Variants in DTD1 observed in about 807,000 individuals in gnomAD.
The protein encoded by DTD1 is D-aminoacyl-tRNA deacylase 1, also known as D-tyrosyl-tRNA deacylase 1 homolog.
Under a neutral mutation model 25.6 loss-of-function variants are expected in DTD1, and 13 were observed. That is an observed-to-expected ratio of 0.51 (90% confidence interval 0.33 to 0.81). The LOEUF is 0.81. Among genes scored for constraint, DTD1 ranks in the 30% least tolerant of loss-of-function variants. The probability of loss-of-function intolerance (pLI) is 0.02; values close to 1 mark genes in which losing one functional copy is unlikely to be tolerated. For synonymous variants in DTD1, 110 were observed against 103.6 expected, an observed-to-expected ratio of 1.06 and a Z score of -0.37; for missense variants, 193 against 266.4, an observed-to-expected ratio of 0.72 and a Z score of 1.92.
chr20:18,656,479 G>A (rs1213644379), intron 4 of DTD1, among the ~76,000 whole-genome samples: 1 of 152,172 alleles, frequency 6.6e-6, no homozygotes, highest in Non-Finnish European at 1.5e-5. Flanking sequence ...TGGTGACAGA[G>A]GAACAGGGAT....
intron 3 of DTD1, among the ~76,000 whole-genome samples, chr20:18,607,252 TC>T (rs2060663690): frequency 1.3e-5 from 2 of 151,984 alleles, no homozygotes; most frequent in South Asian, 4.2e-4. Context: ...ACCTCTGCCT[TC>T]CGGGTTCAAA....
At chr20:18,704,672 G>A (rs1035139529) in intron 4 of DTD1, among the ~76,000 whole-genome samples, 2 of 152,144 alleles carry the variant, frequency 1.3e-5, no homozygotes, top group Non-Finnish European at 2.9e-5. Context: ...TAGGGGAGGA[G>A]GACATGCTAC....
chr20:18,756,864 A>G (rs1417356360), intron 5 of DTD1, among the ~76,000 whole-genome samples: 1 of 151,912 alleles, frequency 6.6e-6, no homozygotes, highest in Admixed American at 6.6e-5. Context: ...CTTGGGCAGT[A>G]TGGCCATTTT....
chr20:18,732,802 C>T (rs1372504733), intron 4 of DTD1, among the ~76,000 whole-genome samples: 2 of 152,236 alleles, frequency 1.3e-5, no homozygotes, highest in African/African-American at 4.8e-5. Context: ...TATACTCAAA[C>T]TTACTTGATC....
chr20:18,620,118 G>C (rs1019320533), intron 3 of DTD1: 1 of 152,112 alleles, frequency 6.6e-6, no homozygotes, highest in African/African-American at 2.4e-5. Flanking sequence ...TACCAGGTAA[G>C]GTGAATTTCT....
At chr20:18,708,234 A>ATATAT in intron 4 of DTD1, among the ~76,000 whole-genome samples, 1 of 3,130 alleles carries the variant, frequency 3.2e-4, no homozygotes, top group African/African-American at 5.9e-4. Flanking sequence ...TATATATTTT[A>ATATAT]TATATATATA....
At chr20:18,681,276 T>A (rs2060995739) in intron 4 of DTD1, among the ~76,000 whole-genome samples, 1 of 152,216 alleles carries the variant, frequency 6.6e-6, no homozygotes, top group South Asian at 2.1e-4. Context: ...TTTGGGACAC[T>A]TTATAAGCAA....
chr20:18,759,906 C>G (rs1468866468), intron 5 of DTD1, among the ~76,000 whole-genome samples: 2 of 152,124 alleles, frequency 1.3e-5, no homozygotes, highest in Non-Finnish European at 2.9e-5. Context: ...TCACATAGTC[C>G]CATATTTCTT....
intron 4 of DTD1, among the ~76,000 whole-genome samples, chr20:18,635,887 C>A (rs1011697413): frequency 6.6e-6 from 1 of 152,074 alleles, no homozygotes; most frequent in African/African-American, 2.4e-5. Flanking sequence ...AAGGAAATTG[C>A]AAAAATTGAA....
At chr20:18,715,393 T>C (rs2061175932) in intron 4 of DTD1, among the ~76,000 whole-genome samples, 1 of 152,128 alleles carries the variant, frequency 6.6e-6, no homozygotes, top group African/African-American at 2.4e-5. Context: ...ATCTTTGGAT[T>C]GTGGCCCTTT....
chr20:18,660,373 G>A (rs761097069), intron 4 of DTD1, among the ~76,000 whole-genome samples: 3 of 151,986 alleles, frequency 2.0e-5, no homozygotes, highest in Non-Finnish European at 4.4e-5. Flanking sequence ...GTGCACACAA[G>A]TACGCTTGGC....
intron 4 of DTD1, chr20:18,631,006 G>C: frequency 1.0e-6 from 1 of 957,694 alleles, no homozygotes; most frequent in Non-Finnish European, 1.2e-6. Flanking sequence ...CTTGGTTCAG[G>C]TGAAGTCTAC....
At chr20:18,727,906 A>G (rs2061228083) in intron 4 of DTD1, among the ~76,000 whole-genome samples, 2 of 152,166 alleles carry the variant, frequency 1.3e-5, no homozygotes, top group Non-Finnish European at 2.9e-5. Context: ...GTGGATGGGC[A>G]TTTGTGGGAG....
At chr20:18,598,719 T>G (rs977438293) in intron 3 of DTD1, among the ~76,000 whole-genome samples, 2 of 151,114 alleles carry the variant, frequency 1.3e-5, no homozygotes, top group Non-Finnish European at 2.9e-5. Context: ...CCATGTTAGC[T>G]AGGATGGTCT....
intron 4 of DTD1, among the ~76,000 whole-genome samples, chr20:18,667,798 T>C (rs1419420680): frequency 6.6e-6 from 1 of 152,042 alleles, no homozygotes; most frequent in African/African-American, 2.4e-5. Flanking sequence ...CCCTCTCCCT[T>C]CTCCCCACGC....
chr20:18,711,896 T>C (rs2061160102), intron 4 of DTD1, among the ~76,000 whole-genome samples: 1 of 138,126 alleles, frequency 7.2e-6, no homozygotes, highest in African/African-American at 2.7e-5. Context: ...ATATAAAAAT[T>C]AGCCAGGAGG....
chr20:18,612,741 C>T (rs536414690), intron 3 of DTD1, among the ~76,000 whole-genome samples: 135 of 152,182 alleles, frequency 8.9e-4, no homozygotes, highest in Middle Eastern at 6.8e-3. Flanking sequence ...TCACTGCAAC[C>T]TCCTCCTCCC....
intron 4 of DTD1, among the ~76,000 whole-genome samples, chr20:18,678,620 G>C (rs1056441094): frequency 2.6e-5 from 4 of 152,172 alleles, no homozygotes; most frequent in Admixed American, 2.6e-4. Flanking sequence ...ATGGACATTA[G>C]CTAAATGTTC....
chr20:18,721,617 C>T (rs1260947934), intron 4 of DTD1, among the ~76,000 whole-genome samples: 1 of 152,120 alleles, frequency 6.6e-6, no homozygotes, highest in South Asian at 2.1e-4. Context: ...TTTAGAAGAA[C>T]ATATCTGATT....
Sources: gnomAD v4.1 joint callset for allele counts (sites outside exome capture counted in the v4.1 genomes callset) on GRCh38, gnomAD v4.1.1 for gene constraint, MANE v1.5 for transcripts, NCBI Gene and HGNC (gene_info 2026-07-23, HGNC 2026-07-21) for gene names.